The following ATP8A2 variants were observed in gnomAD, a reference collection of about 807,000 sequenced individuals.
ATP8A2 encodes the protein ATPase phospholipid transporting 8A2.
In ATP8A2, 100 loss-of-function variants were observed where a neutral mutation model predicts 165.6. The ratio of observed to expected loss-of-function variants is 0.60; its 90% CI spans 0.51 to 0.71. ATP8A2 has a LOEUF of 0.71. Ranked by LOEUF, ATP8A2 falls within the 30% of genes least tolerant of loss-of-function variation. The pLI, the probability that ATP8A2 is intolerant of heterozygous loss-of-function variation, is 0.00. For missense variants in ATP8A2, 1,227 were observed against 1,479.5 expected, an observed-to-expected ratio of 0.83 and a Z score of 2.80; for synonymous variants, 543 against 548.8, an observed-to-expected ratio of 0.99 and a Z score of 0.15.
At position 25,513,516 on chromosome 13, in the gene ATP8A2, G is replaced by C. The variant is rs570721088; in HGVS notation, c.222-16483G>C. ...GGGGCTCCTCACGTCCCAGAAGATGGGCGGCCAGGAGAGACGCTCCTCACT... is the reference window on the plus strand; with the variant it reads ...GGGGCTCCTCACGTCCCAGAAGATGCGCGGCCAGGAGAGACGCTCCTCACT... On this transcript the variant is annotated intron_variant, in intron 2 of 36. Transcript: ENST00000381655. Among the ~76,000 whole-genome samples, 16 of 152,168 alleles carry C rather than the reference G, an allele frequency of 1.1e-4. No individual in the cohort carries two copies. The East Asian group carries it at 2.4e-3, about 22-fold the overall frequency.
intron 27 of ATP8A2, among the ~76,000 whole-genome samples, chr13:25,816,687 A>T (rs1415404601): frequency 6.6e-6 from 1 of 152,220 alleles, no homozygotes; most frequent in African/African-American, 2.4e-5. Context: ...GGGCCTTAGT[A>T]AACAGTTCAG....
At chr13:25,978,977 T>A (rs1310077086) in intron 35 of ATP8A2, among the ~76,000 whole-genome samples, 2 of 151,926 alleles carry the variant, frequency 1.3e-5, no homozygotes, top group Non-Finnish European at 2.9e-5. Flanking sequence ...GGATGTTTTT[T>A]ATTCATATTT....
intron 1 of ATP8A2, among the ~76,000 whole-genome samples, chr13:25,459,749 A>G (rs558363212): frequency 6.6e-6 from 1 of 152,194 alleles, no homozygotes; most frequent in African/African-American, 2.4e-5. Flanking sequence ...GTCTCTGGAG[A>G]AGGAACAGAG....
In ATP8A2 at chr13:25,707,159, G is replaced by A. The variant is rs561992695; in HGVS notation, c.2384+7814G>A. On this transcript the variant is annotated intron_variant, in intron 25 of 36. Transcript: ENST00000381655. ...ATCATTGTAGAGGCCAGAATATGTA[G>A]AGACTTGAGTATTAATCTAAAGTAG... is the stretch of plus-strand genomic sequence containing the variant. Among the ~76,000 whole-genome samples the A allele has an allele frequency of 1.6e-4, 25 of 152,150 alleles. No individual in the cohort carries two copies. The East Asian group carries it at 4.6e-3, about 28-fold the overall frequency.
At chr13:25,995,020 A>T (rs1956468868) in intron 35 of ATP8A2, among the ~76,000 whole-genome samples, 1 of 151,998 alleles carries the variant, frequency 6.6e-6, no homozygotes, top group Non-Finnish European at 1.5e-5. Flanking sequence ...ATATTTAGAG[A>T]GCTATTAAAA....
chr13:25,888,106 T>C (rs1953226165), intron 33 of ATP8A2, among the ~76,000 whole-genome samples: 1 of 126,280 alleles, frequency 7.9e-6, no homozygotes, highest in African/African-American at 3.0e-5. Flanking sequence ...CACTGGCATT[T>C]GCAGGACGAA....
Position 25,380,603 on chromosome 13 carries a change from CTT to C in ATP8A2, c.76+8317_76+8318del, listed in dbSNP as rs567413828. Among the ~76,000 whole-genome samples, 1,327 of 152,184 alleles carry C rather than the reference CTT, an allele frequency of 8.7e-3. 7 individuals carry two copies. The highest frequency in any genetic ancestry group is 0.015 in the Non-Finnish European group (1,009 of 68,006). On this transcript the variant is annotated intron_variant, in intron 1 of 36. Coordinates refer to ENST00000381655, the MANE Select transcript of ATP8A2 (RefSeq NM_016529.6). ...ATTATTAAAATTATTTTATGTATCTCTTTGTACTTTTTTAGTGCAGCTGCTAG... is the reference window on the plus strand; with the variant it reads ...ATTATTAAAATTATTTTATGTATCTCTGTACTTTTTTAGTGCAGCTGCTAG...
intron 24 of ATP8A2, among the ~76,000 whole-genome samples, chr13:25,630,856 C>A (rs558434670): frequency 6.6e-6 from 1 of 152,048 alleles, no homozygotes; most frequent in African/African-American, 2.4e-5. Flanking sequence ...TCCTTAGGGT[C>A]CGCTTTCTCA....
intron 25 of ATP8A2, among the ~76,000 whole-genome samples, chr13:25,700,684 T>A (rs966990322): frequency 1.3e-5 from 2 of 152,204 alleles, no homozygotes; most frequent in African/African-American, 4.8e-5. Flanking sequence ...AAGCTTCTGT[T>A]TGGACGTAGG....
chr13:25,989,930 T>C (rs1956351870), intron 35 of ATP8A2, among the ~76,000 whole-genome samples: 1 of 152,234 alleles, frequency 6.6e-6, no homozygotes, highest in Non-Finnish European at 1.5e-5. Context: ...AAAGTTAGGA[T>C]GTAGCCTTGG....
At chr13:25,689,071 A>G (rs2042667737) in intron 24 of ATP8A2, among the ~76,000 whole-genome samples, 1 of 152,242 alleles carries the variant, frequency 6.6e-6, no homozygotes, top group African/African-American at 2.4e-5. Context: ...AGAGACAGTA[A>G]GTGTGGTGGC....
At chr13:25,973,191 G>A (rs541949636) in intron 35 of ATP8A2, among the ~76,000 whole-genome samples, 12 of 152,284 alleles carry the variant, frequency 7.9e-5, no homozygotes, top group African/African-American at 2.2e-4. Flanking sequence ...TGTAGCTTAC[G>A]CTGTGACTTT....
At chr13:25,819,266 A>C (rs2138559086) in intron 27 of ATP8A2, among the ~76,000 whole-genome samples, 1 of 152,242 alleles carries the variant, frequency 6.6e-6, no homozygotes, top group South Asian at 2.1e-4. Context: ...TTACCTACCC[A>C]AGACTCAGTC....
intron 27 of ATP8A2, among the ~76,000 whole-genome samples, chr13:25,818,633 A>G (rs1220978253): frequency 1.3e-5 from 2 of 152,264 alleles, no homozygotes; most frequent in African/African-American, 2.4e-5. Context: ...TGAGTAAGCC[A>G]TAAATACACT....
intron 33 of ATP8A2, among the ~76,000 whole-genome samples, chr13:25,902,886 G>A (rs1366330205): frequency 6.7e-6 from 1 of 149,160 alleles, no homozygotes; most frequent in African/African-American, 2.5e-5. Context: ...TGGTCTTTCG[G>A]TCCCTGAAAA....
chr13:25,937,848 C>CAAAAAAAAAA (rs57258286), intron 33 of ATP8A2, among the ~76,000 whole-genome samples: 9 of 83,556 alleles, frequency 1.1e-4, no homozygotes, highest in Non-Finnish European at 1.8e-4. Flanking sequence ...GACTCCGTCT[C>CAAAAAAAAAA]AAAAAAAAAA....
chr13:25,888,067 G>GACCC (rs1953217687), intron 33 of ATP8A2, among the ~76,000 whole-genome samples: 1 of 107,786 alleles, frequency 9.3e-6, no homozygotes, highest in Non-Finnish European at 2.1e-5. Context: ...AAAGAACCCA[G>GACCC]ACCCCCCCCC....
Position 25,762,637 on chromosome 13 carries a change from G to A in ATP8A2, c.2385-6409G>A, listed in dbSNP as rs183407559. On this transcript the variant is annotated intron_variant, in intron 25 of 36. Transcript: ENST00000381655. ...ACGCTTAATTATGGGTGGAGATGTAGCTAGTCTTGGAATCATGATTTTGGT... is the reference window on the plus strand; with the variant it reads ...ACGCTTAATTATGGGTGGAGATGTAACTAGTCTTGGAATCATGATTTTGGT... 1.2e-3 allele frequency among the ~76,000 whole-genome samples: 186 copies of A among 152,222 alleles called. 1 individual carries two copies. The highest frequency in any genetic ancestry group is 4.3e-3 in the African/African-American group (177 of 41,528).
At chr13:25,949,278 C>T (rs1382511899) in intron 33 of ATP8A2, among the ~76,000 whole-genome samples, 3 of 152,246 alleles carry the variant, frequency 2.0e-5, no homozygotes, top group South Asian at 2.1e-4. Flanking sequence ...CGGGCCATTG[C>T]AGGTGGGAGG....
Sources: gnomAD v4.1 joint callset for allele counts (sites outside exome capture counted in the v4.1 genomes callset) on GRCh38, gnomAD v4.1.1 for gene constraint, MANE v1.5 for transcripts, NCBI Gene and HGNC (gene_info 2026-07-23, HGNC 2026-07-21) for gene names.